The following AHNAK2 variants were observed in gnomAD, a reference collection of about 807,000 sequenced individuals.
AHNAK2 encodes protein AHNAK2.
In AHNAK2, 18 loss-of-function variants were observed where a neutral mutation model predicts 30.7. The observed-to-expected ratio is 0.59, with a 90% CI of 0.41 to 0.87. The LOEUF is 0.87. Among genes scored for constraint, AHNAK2 ranks in the 40% least tolerant of loss-of-function variants. The pLI, the probability that AHNAK2 is intolerant of heterozygous loss-of-function variation, is 0.00. For missense variants in AHNAK2, 8,604 were observed against 7,373.0 expected (o/e 1.17, Z -6.11); for synonymous variants, 3,590 against 3,073.8 (o/e 1.17, Z -5.56).
rs1251653501 is a variant in AHNAK2, at chr14:104,956,620, A to G, written c.283T>C (p.Ser95Pro). 1 of 1,613,784 alleles carries G rather than the reference A, an allele frequency of 6.2e-7. No homozygotes were observed. The highest frequency in any genetic ancestry group is 8.5e-7 in the Non-Finnish European group (1 of 1,179,866). Reference sequence around the variant, plus strand: ...CGACTCATCCTGAAAAATGTCCGTGAGTCCCCTGAATCTCGCTTCCACCAG... The same window carrying G: ...CGACTCATCCTGAAAAATGTCCGTGGGTCCCCTGAATCTCGCTTCCACCAG... ...RSWWKRDSGDSRTFFRMSRPE... is the reference protein window; with the variant it reads ...RSWWKRDSGDPRTFFRMSRPE... The change falls in exon 4 of 7, where the codon TCA (serine) becomes CCA (proline). Residue 95 changes from serine (S) to proline (P), a missense_variant. Coordinates refer to ENST00000333244, the MANE Select transcript of AHNAK2 (RefSeq NM_138420.4).
chr14:104,942,527 G>C lies in AHNAK2; in HGVS notation c.12924C>G (p.Phe4308Leu). The change falls in exon 7 of 7, where the codon TTC becomes TTG. Residue 4308 changes from phenylalanine (F) to leucine (L), a missense_variant. Phe to Leu is a conservative substitution (Grantham distance 22). Coordinates refer to ENST00000333244, the MANE Select transcript of AHNAK2 (RefSeq NM_138420.4). ...TGGACTTGCCTGGGGCAGACACCCC[G>C]AACGACGGCATCTTGAACTTGGGCA... is the stretch of plus-strand genomic sequence containing the variant. ...FKMPKFKMPSFGVSAPGKSIE... is the reference protein window; with the variant it reads ...FKMPKFKMPSLGVSAPGKSIE... 5 of 1,611,746 alleles carry C rather than the reference G, an allele frequency of 3.1e-6. No homozygotes were observed. The highest frequency in any genetic ancestry group is 4.2e-6 in the Non-Finnish European group (5 of 1,179,192).
Position 104,950,071 on chromosome 14 carries a change from C to T in AHNAK2, c.5380G>A (p.Glu1794Lys), listed in dbSNP as rs202246307. The T allele has an allele frequency of 1.3e-5, 20 of 1,584,994 alleles. 1 individual carries two copies. Among genetic ancestry groups the T allele is most frequent in the African/African-American group, 8.4e-5 (6 of 71,634 alleles). The stretch of plus-strand genomic sequence containing the variant: ...CTGTCCAGCTTGGCTCCTGGAGCCT[C>T]GACGTCCACCTCCACGCTGGGCAGA... ...VSLPSVEVDV[E>K]APGAKLDSVR... is the part of the protein sequence containing the mutation. Residue 1794 changes from glutamate (E) to lysine (K), a missense_variant, in exon 7 of 7, where the codon GAG becomes AAG. Glu to Lys is a moderately conservative substitution (Grantham distance 56, BLOSUM62 1). Transcript: ENST00000333244.
rs868775761 is a variant in AHNAK2, at chr14:104,947,710, G to A, written c.7741C>T (p.Leu2581Phe). The change falls in exon 7 of 7, where the codon CTC becomes TTC. Residue 2581 changes from leucine (L) to phenylalanine (F), a missense_variant. Coordinates refer to ENST00000333244, the MANE Select transcript of AHNAK2 (RefSeq NM_138420.4). ...TTGACATCTAGCTGGGGGCCCTTGA[G>A]GTCCATTTCAGGCATCTTGAAACTG... ...MPSFKMPEMDLKGPQLDVKGP... is the reference protein window; with the variant it reads ...MPSFKMPEMDFKGPQLDVKGP... 6.2e-7 allele frequency: 1 copy of A among 1,612,742 alleles called. No homozygotes were observed. Among genetic ancestry groups the A allele is most frequent in the Middle Eastern group, 1.7e-4 (1 of 6,042 alleles).
At chr14:104,973,935 G>A (rs1228589702) in intron 1 of AHNAK2, among the ~76,000 whole-genome samples, 1 of 152,186 alleles carries the variant, frequency 6.6e-6, no homozygotes, top group Non-Finnish European at 1.5e-5. Context: ...CCTGGCCTCT[G>A]TGGGGTGCGG....
In AHNAK2 at chr14:104,952,696, C is replaced by T. The variant is rs753961586; in HGVS notation, c.2755G>A (p.Val919Met). 6.2e-7 allele frequency: 1 copy of T among 1,612,842 alleles called. No individual in the cohort carries two copies. The highest frequency in any genetic ancestry group is 1.7e-5 in the Admixed American group (1 of 59,962). ...GAGPKVHLPK[V>M]EMPSFKMPKV... ...GGCATCTTGAAACTGGGCATCTCCA[C>T]TTTGGGCAGGTGCACTTTGGGGCCG... is the stretch of plus-strand genomic sequence containing the variant. The change falls in exon 7 of 7, where the codon GTG becomes ATG. Residue 919 changes from valine to methionine, a missense_variant. Coordinates refer to ENST00000333244, the MANE Select transcript of AHNAK2 (RefSeq NM_138420.4).
Position 104,939,423 on chromosome 14 carries a change from T to C in AHNAK2, c.16028A>G (p.Lys5343Arg). 6.2e-7 allele frequency: 1 copy of C among 1,613,538 alleles called. No homozygotes were observed. The highest frequency in any genetic ancestry group is 1.7e-5 in the Admixed American group (1 of 60,022). Residue 5343 changes from lysine (K) to arginine (R), a missense_variant, in exon 7 of 7, where the codon AAA becomes AGA. Coordinates refer to ENST00000333244, the MANE Select transcript of AHNAK2 (RefSeq NM_138420.4). Reference protein sequence around the residue: ...PGHDLASMEDKTEKWSSQPEG... With the variant: ...PGHDLASMEDRTEKWSSQPEG... ...AGGCTGGGAAGACCATTTCTCTGTTTTATCCTCCATGCTGGCAAGGTCATG... is the reference window on the plus strand; with the variant it reads ...AGGCTGGGAAGACCATTTCTCTGTTCTATCCTCCATGCTGGCAAGGTCATG...
Position 104,955,524 on chromosome 14 carries a change from A to T in AHNAK2, c.425T>A (p.Leu142Gln), listed in dbSNP as rs754124779. Residue 142 changes from leucine (L) to glutamine (Q), a missense_variant, in exon 5 of 7, where the codon CTG (leucine) becomes CAG (glutamine). Transcript: ENST00000333244. ...GDQGIFVKQV[L>Q]KDSSAAKLFN... ...AAGCTTGGCGGCTGAGGAGTCCTTC[A>T]GCACTTGCTTGACGAAGATCCCCTG... The T allele has an allele frequency of 6.2e-7, 1 of 1,613,660 alleles. No individual in the cohort carries two copies. The highest frequency in any genetic ancestry group is 1.1e-5 in the South Asian group (1 of 91,042).
At chr14:104,956,007 T>G (rs975909292) in intron 4 of AHNAK2, among the ~76,000 whole-genome samples, 4 of 152,204 alleles carry the variant, frequency 2.6e-5, no homozygotes, top group African/African-American at 9.7e-5. Flanking sequence ...ACCAGTTGTG[T>G]GCAAGGCACC....
chr14:104,977,556 GGCCTAGC>G (rs1476167721), intron 1 of AHNAK2, among the ~76,000 whole-genome samples: 5 of 152,156 alleles, frequency 3.3e-5, no homozygotes, highest in African/African-American at 4.8e-5. Flanking sequence ...CCAGACCTCA[GGCCTAGC>G]CCTGCCACAG....
In AHNAK2 at chr14:104,943,495, A is replaced by G. The variant is rs1355968416; in HGVS notation, c.11956T>C (p.Ser3986Pro). The G allele has an allele frequency of 6.2e-7, 1 of 1,612,872 alleles. No homozygotes were observed. Among genetic ancestry groups the G allele is most frequent in the Non-Finnish European group, 8.5e-7 (1 of 1,179,508 alleles). ...GTCACATCCACTGATGCCTCCATGG[A>G]CTTGCCTGGGGCAGACACCCCGAAC... Reference protein sequence around the residue: ...PSFGVSAPGKSMEASVDVTAP... With the variant: ...PSFGVSAPGKPMEASVDVTAP... Residue 3986 changes from serine (S) to proline (P), a missense_variant, in exon 7 of 7, where the codon TCC becomes CCC. By Grantham distance (74) the Ser-to-Pro change is moderately conservative. Transcript: ENST00000333244.
rs1343002199 is a variant in AHNAK2, at chr14:104,942,669, A to T, written c.12782T>A (p.Leu4261Gln). 8 of 1,613,312 alleles carry T rather than the reference A, an allele frequency of 5.0e-6. No homozygotes were observed. The highest frequency in any genetic ancestry group is 1.3e-5 in the African/African-American group (1 of 74,812). ...DVMTPVVEVSLPSMEVDVEAP... is the reference protein window; with the variant it reads ...DVMTPVVEVSQPSMEVDVEAP... Reference sequence around the variant, plus strand: ...CTCGACGTCCACCTCCATGCTGGGCAGAGACACCTCCACGACGGGGGTCAT... The same window carrying T: ...CTCGACGTCCACCTCCATGCTGGGCTGAGACACCTCCACGACGGGGGTCAT... The change falls in exon 7 of 7, where the codon CTG becomes CAG. Residue 4261 changes from leucine (L) to glutamine (Q), a missense_variant. Transcript: ENST00000333244.
chr14:104,954,666 G>C lies in AHNAK2; in HGVS notation c.785C>G (p.Pro262Arg). 1 of 1,612,690 alleles carries C rather than the reference G, an allele frequency of 6.2e-7. No homozygotes were observed. ...CTTGCTCTTTATGGATTGAAATTTT[G>C]GCCAAGAGAGCCTCTCCCTCTGGCT... is the stretch of plus-strand genomic sequence containing the variant. ...RQSQRERLSW[P>R]KFQSIKSKRG... Residue 262 changes from proline (P) to arginine (R), a missense_variant, in exon 7 of 7, where the codon CCA (proline) becomes CGA (arginine). Physicochemically the swap from Pro to Arg is moderately radical, Grantham distance 103. Coordinates refer to ENST00000333244, the MANE Select transcript of AHNAK2 (RefSeq NM_138420.4). This position sits in a 1 kb window ranked among gnomAD's most constrained non-coding sequence, Gnocchi z 4.3.
rs765929757 is a variant in AHNAK2 at position 104,953,898 on chromosome 14, T to G, written c.1553A>C (p.Asp518Ala). 1 of 1,614,000 alleles carries G rather than the reference T, an allele frequency of 6.2e-7. No homozygotes were observed. The highest frequency in any genetic ancestry group is 1.1e-5 in the South Asian group (1 of 91,082). The change falls in exon 7 of 7, where the codon GAT becomes GCT. Residue 518 changes from aspartate to alanine, a missense_variant. Physicochemically the swap from Asp to Ala is moderately radical, Grantham distance 126. Coordinates refer to ENST00000333244, the MANE Select transcript of AHNAK2 (RefSeq NM_138420.4). ...GCCAGTACCCGCTTTTGAGGACGCA[T>G]CCTGTCTCTTCCCTCGCTGTGGGGT... ...LSTPQRGKRQ[D>A]ASSKAGTGLK...
chr14:104,977,162 G>C (rs1899614134), intron 1 of AHNAK2, among the ~76,000 whole-genome samples: 1 of 152,216 alleles, frequency 6.6e-6, no homozygotes, highest in Admixed American at 6.5e-5. Flanking sequence ...CTGCAGCATT[G>C]TCGGCACCAT....
chr14:104,973,942 G>A (rs1023940748), intron 1 of AHNAK2, among the ~76,000 whole-genome samples: 4 of 152,212 alleles, frequency 2.6e-5, no homozygotes, highest in Non-Finnish European at 4.4e-5. Flanking sequence ...TCTGTGGGGT[G>A]CGGGGATGGG....
rs1898020632 is a variant in AHNAK2 at position 104,942,155 on chromosome 14, G to T, written c.13296C>A (p.Asp4432Glu). ...LDVSLPSMEV[D>E]IQAPGAKLDS... ...CCAGCTTGGCTCCTGGGGCTTGGAT[G>T]TCCACCTCCATGCTGGGCAGAGACA... The change falls in exon 7 of 7, where the codon GAC becomes GAA. Residue 4432 changes from aspartate (D) to glutamate (E), a missense_variant. Coordinates refer to ENST00000333244, the MANE Select transcript of AHNAK2 (RefSeq NM_138420.4). The T allele has an allele frequency of 1.2e-6, 2 of 1,612,432 alleles. 1 individual carries two copies. Among genetic ancestry groups the T allele is most frequent in the East Asian group, 4.5e-5 (2 of 44,676 alleles).
chr14:104,943,647 T>G lies in AHNAK2; in HGVS notation c.11804A>C (p.Glu3935Ala), dbSNP rs1157334333. Residue 3935 changes from glutamate to alanine, a missense_variant, in exon 7 of 7, where the codon GAG (glutamate) becomes GCG (alanine). Physicochemically the swap from Glu to Ala is moderately radical, Grantham distance 107. Transcript: ENST00000333244. ...GGCTCCTGGGGCCTCGACGTCCACC[T>G]CCACGCTGGGCAGAGAAACCTCCAC... ...PDVEVSLPSV[E>A]VDVEAPGAKL... 10 of 1,613,306 alleles carry G rather than the reference T, an allele frequency of 6.2e-6. No homozygotes were observed. Among genetic ancestry groups the G allele is most frequent in the Non-Finnish European group, 8.5e-6 (10 of 1,179,668 alleles).
chr14:104,970,652 C>T (rs1317924831), intron 1 of AHNAK2, among the ~76,000 whole-genome samples: 1 of 152,126 alleles, frequency 6.6e-6, no homozygotes, highest in East Asian at 1.9e-4. Context: ...CCCTGATGGG[C>T]CAGGAGCCTG....
chr14:104,953,081 G>C lies in AHNAK2; in HGVS notation c.2370C>G (p.Pro790=), dbSNP rs778257461. The change falls in exon 7 of 7, where the codon CCC becomes CCG. Residue 790 remains proline (P), a synonymous_variant. Transcript: ENST00000333244. ...LKGPKAEVTA[P]DVKMSLSSME... Reference sequence around the variant, plus strand: ...TGCTGGACAGAGACATCTTCACATCGGGGGCTGTCACTTCCGCCTTGGGGC... The same window carrying C: ...TGCTGGACAGAGACATCTTCACATCCGGGGCTGTCACTTCCGCCTTGGGGC... 1 of 1,613,114 alleles carries C rather than the reference G, an allele frequency of 6.2e-7. No individual in the cohort carries two copies. Among genetic ancestry groups the C allele is most frequent in the Non-Finnish European group, 8.5e-7 (1 of 1,179,700 alleles).
Sources: allele counts gnomAD v4.1 joint callset (sites outside exome capture counted in the v4.1 genomes callset), GRCh38; gene constraint gnomAD v4.1.1; non-coding constraint Gnocchi (gnomAD v3.1); transcripts MANE v1.5; gene names NCBI Gene and HGNC (gene_info 2026-07-23, HGNC 2026-07-21).